TPTE2: variants seen among roughly 807,000 people sequenced by gnomAD.
TPTE2 encodes transmembrane phosphoinositide 3-phosphatase and tensin homolog 2, also known as phosphatidylinositol 3,4,5-trisphosphate 3-phosphatase TPTE2.
Under a neutral mutation model 78.6 loss-of-function variants are expected in TPTE2, and 53 were observed. The ratio of observed to expected loss-of-function variants is 0.67; its 90% CI spans 0.54 to 0.85. TPTE2 has a LOEUF of 0.85. TPTE2 is among the 40% of genes least tolerant of loss of function. The pLI, the probability that TPTE2 is intolerant of heterozygous loss-of-function variation, is 0.00. For missense variants in TPTE2, 461 were observed against 623.0 expected, an observed-to-expected ratio of 0.74 and a Z score of 2.77; for synonymous variants, 175 against 206.2, an observed-to-expected ratio of 0.85 and a Z score of 1.30.
chr13:19,496,799 A>G (rs1431200620), intron 1 of TPTE2, among the ~76,000 whole-genome samples: 1 of 152,216 alleles, frequency 6.6e-6, no homozygotes, highest in Non-Finnish European at 1.5e-5. Context: ...AGGAGGAGCC[A>G]AGATGGCCGA....
chr13:19,473,563 TGTG>T (rs138994726), intron 6 of TPTE2, among the ~76,000 whole-genome samples: 5,554 of 151,282 alleles, frequency 0.037, 376 homozygotes, highest in African/African-American at 0.13. Flanking sequence ...TAAGTCAGTT[TGTG>T]GTGAATGCTC....
chr13:19,443,397 C>CTTTTTTTTTTTTTTTTTTTCCTTTT (rs71092357), intron 13 of TPTE2, among the ~76,000 whole-genome samples: 1 of 129,914 alleles, frequency 7.7e-6, no homozygotes, highest in Non-Finnish European at 1.6e-5. Context: ...TTCTTTCTTT[C>CTTTTTTTTTTTTTTTTTTTCCTTTT]TTTTTTTTTT....
At chr13:19,502,759 T>G (rs1868697454) in intron 1 of TPTE2, among the ~76,000 whole-genome samples, 1 of 151,634 alleles carries the variant, frequency 6.6e-6, no homozygotes, top group Admixed American at 6.6e-5. Context: ...GTAACTAACC[T>G]GCACAATGTG....
chr13:19,512,000 A>G (rs1283449104), intron 1 of TPTE2, among the ~76,000 whole-genome samples: 1 of 152,216 alleles, frequency 6.6e-6, no homozygotes, highest in Non-Finnish European at 1.5e-5. Context: ...GACTGAAAGT[A>G]TCTCCCCCCA....
At position 19,529,536 on chromosome 13, in the gene TPTE2, G is replaced by T. The variant is rs75919437; in HGVS notation, c.-44+7060C>A. On this transcript the variant is annotated intron_variant, in intron 1 of 17. Coordinates refer to the TPTE2 transcript ENST00000390680. ...AACACATGGTAAAATTCAGCCCATC[G>T]AACTCAGAAACTTCATTTTAGGACA... is the stretch of plus-strand genomic sequence containing the variant. Among the ~76,000 whole-genome samples the T allele has an allele frequency of 6.7e-3, 1,023 of 152,256 alleles. 9 individuals are homozygous for T. Among genetic ancestry groups the T allele is most frequent in the African/African-American group, 0.022 (906 of 41,546 alleles).
intron 6 of TPTE2, 57 bp downstream of exon 9, chr13:19,473,857 G>A (rs1448299853): frequency 1.4e-6 from 2 of 1,442,378 alleles, no homozygotes; most frequent in Non-Finnish European, 1.9e-6. Flanking sequence ...GCCTCCCAAA[G>A]TGCTTCTTAT....
upstream of TPTE2, among the ~76,000 whole-genome samples, chr13:19,505,500 T>C (rs2137680216): frequency 6.6e-6 from 1 of 152,228 alleles, no homozygotes; most frequent in Non-Finnish European, 1.5e-5. Flanking sequence ...TTACCCCATC[T>C]AAATTCTTGA....
intron 4 of TPTE2, among the ~76,000 whole-genome samples, chr13:19,477,088 T>C (rs9508132): frequency 0.93 from 142,184 of 152,178 alleles, 66,704 homozygotes; most frequent in East Asian, 1. Context: ...TGGAGGCTCT[T>C]ATCCTTAGCA....
chr13:19,436,202 C>A, intron 15 of TPTE2, 24 bp downstream of exon 18: 1 of 1,592,636 alleles, frequency 6.3e-7, no homozygotes, highest in Non-Finnish European at 8.6e-7. Context: ...TAAAAAAACT[C>A]CCATTTTTAA....
chr13:19,558,885 T>G, the TPTE2 span, among the ~76,000 whole-genome samples: 3 of 152,242 alleles, frequency 2.0e-5, no homozygotes, highest in African/African-American at 7.2e-5. Flanking sequence ...AGATTCATTT[T>G]TTTACAAACT....
intron 1 of TPTE2, among the ~76,000 whole-genome samples, chr13:19,514,570 A>T (rs894142165): frequency 8.2e-6 from 1 of 121,738 alleles, no homozygotes; most frequent in Admixed American, 9.3e-5. Flanking sequence ...CAATTTCAGG[A>T]TACAGCACCA....
At chr13:19,482,766 TTTTTATC>T (rs1248258113) in intron 3 of TPTE2, among the ~76,000 whole-genome samples, 1 of 151,622 alleles carries the variant, frequency 6.6e-6, no homozygotes, top group Non-Finnish European at 1.5e-5. Context: ...ATTTTGCATA[TTTTTATC>T]TTCTTTTCTC....
At chr13:19,495,219 AG>A (rs35840204) in intron 1 of TPTE2, among the ~76,000 whole-genome samples, 111,315 of 152,096 alleles carry the variant, frequency 0.73, 43,635 homozygotes, top group East Asian at 0.96. Context: ...GCCTCAAGCA[AG>A]GGCTCCATCC....
chr13:19,500,906 T>C (rs1273373446), intron 1 of TPTE2, among the ~76,000 whole-genome samples: 4 of 140,504 alleles, frequency 2.8e-5, no homozygotes, highest in African/African-American at 2.7e-5. Context: ...AAAACCCCAT[T>C]GTCTCAGCCC....
intron 1 of TPTE2, among the ~76,000 whole-genome samples, chr13:19,495,822 A>G (rs1881276605): frequency 6.6e-6 from 1 of 152,132 alleles, no homozygotes; most frequent in African/African-American, 2.4e-5. Flanking sequence ...TCAGTTCAAA[A>G]TAATTCCAAT....
exon 19 of TPTE2, chr13:19,424,988 T>C (rs1875916921): frequency 6.5e-7 from 1 of 1,546,982 alleles, no homozygotes; most frequent in Non-Finnish European, 8.8e-7. Context: ...AGAAGAAAAA[T>C]GGACAATTGT....
At chr13:19,490,709 C>A (rs183435839) in intron 3 of TPTE2, among the ~76,000 whole-genome samples, 6 of 152,308 alleles carry the variant, frequency 3.9e-5, no homozygotes, top group Admixed American at 3.9e-4. Context: ...CAAGGCAGGG[C>A]CTGCATACGA....
intron 16 of TPTE2, among the ~76,000 whole-genome samples, chr13:19,430,837 G>A (rs959023060): frequency 3.9e-5 from 6 of 151,978 alleles, no homozygotes; most frequent in African/African-American, 7.2e-5. Flanking sequence ...AAATATTTAG[G>A]GAAGCTAGGC....
chr13:19,453,076 G>A (rs1186719082), intron 10 of TPTE2, among the ~76,000 whole-genome samples: 1 of 150,870 alleles, frequency 6.6e-6, no homozygotes, highest in African/African-American at 2.4e-5. Flanking sequence ...TGCCCAGGCT[G>A]GAGTGCAAAG....
Sources: allele counts gnomAD v4.1 joint callset (sites outside exome capture counted in the v4.1 genomes callset), GRCh38; gene constraint gnomAD v4.1.1; transcripts MANE v1.5; gene names NCBI Gene and HGNC (gene_info 2026-07-23, HGNC 2026-07-21).